The following PRKCH variants were observed in gnomAD, a reference collection of about 807,000 sequenced individuals.
PRKCH encodes protein kinase C eta.
In PRKCH, 28 loss-of-function variants were observed where a neutral mutation model predicts 82.5. That is an observed-to-expected ratio of 0.34 (90% CI 0.25 to 0.47). The LOEUF is 0.47. PRKCH is among the 20% of genes least tolerant of loss of function. The pLI is 1.00. For missense variants in PRKCH, 705 were observed against 881.8 expected, an observed-to-expected ratio of 0.80 and a Z score of 2.54; for synonymous variants, 322 against 327.4, an observed-to-expected ratio of 0.98 and a Z score of 0.18.
chr14:61,219,300 C>A (rs2044637826), intron 1 of PRKCH, among the ~76,000 whole-genome samples: 1 of 152,152 alleles, frequency 6.6e-6, no homozygotes, highest in Admixed American at 6.5e-5. Context: ...AATAAGAAAT[C>A]TTTTAGTATA....
In PRKCH at chr14:61,427,648, G is replaced by A. The variant is rs545105101; in HGVS notation, c.428-15463G>A. ...GTCTCCCAGGCTGGAGTGCAGTGGC[G>A]TGACAATGGCTCATTGCAGCTTCAA... On this transcript the variant is annotated intron_variant, in intron 2 of 13. Transcript: ENST00000332981. Among the ~76,000 whole-genome samples the A allele has an allele frequency of 1.4e-4, 22 of 152,144 alleles. 1 individual carries two copies. The highest frequency in any genetic ancestry group is 6.8e-3 in the Middle Eastern group (2 of 294).
chr14:61,223,758 C>T (rs566975563), intron 1 of PRKCH, among the ~76,000 whole-genome samples: 1 of 152,176 alleles, frequency 6.6e-6, no homozygotes, highest in East Asian at 1.9e-4. Flanking sequence ...AGAGCTAACC[C>T]TCAGGAGGCC....
chr14:61,277,442 T>C (rs921637404), intron 1 of PRKCH: 1 of 152,208 alleles, frequency 6.6e-6, no homozygotes, highest in African/African-American at 2.4e-5. Flanking sequence ...AGGTTCACTC[T>C]TTTCTATCTC....
chr14:61,227,742 A>G (rs2044708626), intron 1 of PRKCH, among the ~76,000 whole-genome samples: 1 of 151,948 alleles, frequency 6.6e-6, no homozygotes, highest in African/African-American at 2.4e-5. Flanking sequence ...AATGGCAAAA[A>G]CCGTGATTAT....
Position 61,404,325 on chromosome 14 carries a change from G to A in PRKCH, c.427+13037G>A, listed in dbSNP as rs148752200. Among the ~76,000 whole-genome samples, 36 of 152,254 alleles carry A rather than the reference G, an allele frequency of 2.4e-4. 1 individual carries two copies. The East Asian group carries it at 6.8e-3, about 29-fold the overall frequency. ...AGAGACCACCTTATATTTTGTAAGT[G>A]GAAACTTAGTTCTCATAGGATTTTG... On this transcript the variant is annotated intron_variant, in intron 2 of 13. Coordinates refer to ENST00000332981, the MANE Select transcript of PRKCH (RefSeq NM_006255.5).
At chr14:61,459,233 A>G (rs1450192044) in intron 9 of PRKCH, among the ~76,000 whole-genome samples, 2 of 152,186 alleles carry the variant, frequency 1.3e-5, no homozygotes, top group African/African-American at 4.8e-5. Flanking sequence ...GCCACCATCA[A>G]GGAAGTAGGG....
At chr14:61,452,958 G>A (rs1224754484) in intron 6 of PRKCH, 3 of 463,190 alleles carry the variant, frequency 6.5e-6, no homozygotes, top group Non-Finnish European at 1.2e-5. Context: ...TGATTTAGAT[G>A]AATGGGTTTC....
intron 1 of PRKCH, among the ~76,000 whole-genome samples, chr14:61,273,958 A>G (rs2045180362): frequency 6.6e-6 from 1 of 152,264 alleles, no homozygotes; most frequent in East Asian, 1.9e-4. Flanking sequence ...GGCAATAAAG[A>G]TGAATGAGAA....
chr14:61,487,590 G>A (rs10782447), intron 10 of PRKCH, among the ~76,000 whole-genome samples: 108,500 of 151,954 alleles, frequency 0.71, 41,552 homozygotes, highest in Non-Finnish European at 0.85. Context: ...CGCTTGCCCC[G>A]AAGAGAGACG....
intron 1 of PRKCH, among the ~76,000 whole-genome samples, chr14:61,388,990 G>A (rs2046631775): frequency 1.3e-5 from 2 of 152,238 alleles, no homozygotes; most frequent in Non-Finnish European, 2.9e-5. Flanking sequence ...ATCAGGGTGT[G>A]GTGGTGACCT....
At chr14:61,541,632 G>A (rs559182582) in intron 12 of PRKCH, among the ~76,000 whole-genome samples, 2 of 152,284 alleles carry the variant, frequency 1.3e-5, no homozygotes, top group East Asian at 3.9e-4. Context: ...AAAATACAGT[G>A]TTCTCTGGCT....
chr14:61,392,598 C>T (rs76244818), intron 2 of PRKCH, among the ~76,000 whole-genome samples: 10,066 of 152,036 alleles, frequency 0.066, 629 homozygotes, highest in East Asian at 0.16. Context: ...ATTTGTCTTT[C>T]TATTATTGAT....
At chr14:61,241,787 T>A (rs2140066640) in intron 1 of PRKCH, among the ~76,000 whole-genome samples, 2 of 152,304 alleles carry the variant, frequency 1.3e-5, no homozygotes, top group African/African-American at 4.8e-5. Flanking sequence ...TTGAACCGCA[T>A]CTCCTCATGT....
intron 5 of PRKCH, among the ~76,000 whole-genome samples, chr14:61,450,197 G>A (rs771918437): frequency 1.3e-5 from 2 of 152,184 alleles, no homozygotes; most frequent in Non-Finnish European, 2.9e-5. Context: ...CCTACTCCTT[G>A]TCATGCATGG....
intron 1 of PRKCH, among the ~76,000 whole-genome samples, chr14:61,332,336 A>G (rs567057954): frequency 1.3e-4 from 20 of 152,306 alleles, no homozygotes; most frequent in African/African-American, 4.3e-4. Context: ...CTATCTGGAG[A>G]TATTTATCAA....
At chr14:61,404,841 C>T (rs576835569) in intron 2 of PRKCH, among the ~76,000 whole-genome samples, 7 of 152,270 alleles carry the variant, frequency 4.6e-5, no homozygotes, top group African/African-American at 1.7e-4. Context: ...AGTGCAAATA[C>T]TGTAAGGGTT....
intron 1 of PRKCH, among the ~76,000 whole-genome samples, chr14:61,379,294 C>T (rs962364666): frequency 6.6e-6 from 1 of 152,146 alleles, no homozygotes; most frequent in Non-Finnish European, 1.5e-5. Flanking sequence ...GCTTTCGTCT[C>T]CTTCCCTCCA....
intron 1 of PRKCH, among the ~76,000 whole-genome samples, chr14:61,337,913 G>C (rs28578339): frequency 6.6e-6 from 1 of 152,178 alleles, no homozygotes; most frequent in African/African-American, 2.4e-5. Context: ...GATGTTTAGC[G>C]TAGCCTTGGT....
chr14:61,389,883 G>A (rs1005751842), intron 1 of PRKCH, among the ~76,000 whole-genome samples: 3 of 151,990 alleles, frequency 2.0e-5, no homozygotes, highest in Admixed American at 1.3e-4. Context: ...GTGACTATTT[G>A]CAGCTTATTT....
Sources: allele counts gnomAD v4.1 joint callset (sites outside exome capture counted in the v4.1 genomes callset), GRCh38; gene constraint gnomAD v4.1.1; transcripts MANE v1.5; gene names NCBI Gene and HGNC (gene_info 2026-07-23, HGNC 2026-07-21).